The following GPATCH1 variants were observed in gnomAD, a reference collection of about 807,000 sequenced individuals.
GPATCH1 encodes the protein G patch domain-containing protein 1.
In GPATCH1, 73 loss-of-function variants were observed where a neutral mutation model predicts 114.9. That is an observed-to-expected ratio of 0.64 (90% CI 0.53 to 0.77). The LOEUF (loss-of-function observed/expected upper bound fraction) is 0.77. Among genes scored for constraint, GPATCH1 ranks in the 30% least tolerant of loss-of-function variants. GPATCH1 has a pLI of 0.00. For missense variants in GPATCH1, 1,058 were observed against 1,144.3 expected (o/e 0.92, Z 1.09); for synonymous variants, 391 against 428.4 (o/e 0.91, Z 1.08).
chr19:33,105,855 T>G (rs1245797771), intron 9 of GPATCH1, among the ~76,000 whole-genome samples: 3 of 151,686 alleles, frequency 2.0e-5, no homozygotes, highest in East Asian at 1.9e-4. Context: ...TTCTTTTTTT[T>G]TTGTTTGAGA....
chr19:33,098,077 C>G (rs1005663184), intron 8 of GPATCH1, among the ~76,000 whole-genome samples, 175 bp downstream of exon 8: 1 of 152,214 alleles, frequency 6.6e-6, no homozygotes. Flanking sequence ...GGATTCAGAC[C>G]TGGCCAAGGC....
intron 7 of GPATCH1, 101 bp downstream of exon 7, chr19:33,096,547 C>T (rs1972662467): frequency 4.2e-6 from 4 of 950,420 alleles, no homozygotes; most frequent in Non-Finnish European, 6.2e-6. Context: ...TTTTTTTTCC[C>T]CCTAATCCTC....
At chr19:33,106,603 G>C in intron 9 of GPATCH1, 92 bp from the exon 10 acceptor site, 1 of 1,050,588 alleles carries the variant, frequency 9.5e-7, no homozygotes, top group Non-Finnish European at 1.4e-6. Flanking sequence ...AAGGGGCGGG[G>C]TTAACAAGGC....
intron 8 of GPATCH1, chr19:33,100,172 G>A (rs1480262620): frequency 6.6e-6 from 1 of 151,728 alleles, no homozygotes; most frequent in Non-Finnish European, 1.5e-5. Context: ...TATTTCTTCA[G>A]AATTCTTCAG....
chr19:33,125,337 G>T, intron 18 of GPATCH1, 135 bp downstream of exon 18: 2 of 955,858 alleles, frequency 2.1e-6, no homozygotes, highest in Non-Finnish European at 3.0e-6. Context: ...TAACAGAAAT[G>T]TTGACATTCA....
intron 10 of GPATCH1, among the ~76,000 whole-genome samples, chr19:33,107,936 C>T (rs1217850056): frequency 5.9e-5 from 9 of 151,802 alleles, no homozygotes; most frequent in African/African-American, 1.5e-4. Flanking sequence ...GTGCCACGTT[C>T]GTGTGCTGCA....
intron 4 of GPATCH1, 71 bp downstream of exon 4, chr19:33,093,590 G>A: frequency 7.2e-7 from 1 of 1,393,696 alleles, no homozygotes; most frequent in East Asian, 2.3e-5. Context: ...TCTTGCTGAG[G>A]GATAGTTTGA....
intron 8 of GPATCH1, among the ~76,000 whole-genome samples, chr19:33,100,781 T>C (rs1240914664): frequency 7.4e-6 from 1 of 135,808 alleles, no homozygotes; most frequent in Admixed American, 7.3e-5. Flanking sequence ...TAGAAGGGGC[T>C]TTTTTTTTTT....
chr19:33,103,274 A>G (rs567072089), intron 9 of GPATCH1, among the ~76,000 whole-genome samples: 1 of 152,308 alleles, frequency 6.6e-6, no homozygotes, highest in South Asian at 2.1e-4. Flanking sequence ...GATTTGTTTC[A>G]TTGTGATAGT....
At chr19:33,122,217 A>T (rs927347636) in intron 17 of GPATCH1, among the ~76,000 whole-genome samples, 17 of 152,044 alleles carry the variant, frequency 1.1e-4, no homozygotes, top group Non-Finnish European at 2.5e-4. Flanking sequence ...CATGTTGGTC[A>T]GGCTGGTCTT....
chr19:33,081,879 T>C, intron 1 of GPATCH1, among the ~76,000 whole-genome samples: 1 of 118,032 alleles, frequency 8.5e-6, no homozygotes, highest in Non-Finnish European at 1.8e-5. Flanking sequence ...GAGGGATATA[T>C]ATATGATTTT....
At chr19:33,114,150 C>G in intron 14 of GPATCH1, 103 bp from the exon 15 acceptor site, 1 of 1,152,844 alleles carries the variant, frequency 8.7e-7, no homozygotes, top group South Asian at 1.3e-5. Flanking sequence ...GTGCCAGGCC[C>G]CTAGTAGGCA....
intron 9 of GPATCH1, among the ~76,000 whole-genome samples, chr19:33,106,494 C>T (rs908944809): frequency 5.3e-5 from 8 of 152,098 alleles, no homozygotes; most frequent in Non-Finnish European, 1.2e-4. Context: ...ACCACTGGAA[C>T]ACGGTGGCTC....
intron 1 of GPATCH1, among the ~76,000 whole-genome samples, chr19:33,083,083 A>C (rs1271948548): frequency 6.8e-6 from 1 of 146,430 alleles, no homozygotes; most frequent in East Asian, 2.1e-4. Flanking sequence ...CTAAAAATAC[A>C]AAAAAAAATT....
At chr19:33,094,326 T>C (rs1972631104) in intron 5 of GPATCH1, 57 bp downstream of exon 5, 1 of 960,364 alleles carries the variant, frequency 1.0e-6, no homozygotes, top group Non-Finnish European at 1.7e-6. Flanking sequence ...TTTTTTTTTT[T>C]TTGAGACAGG....
intron 15 of GPATCH1, among the ~76,000 whole-genome samples, chr19:33,117,181 G>A (rs967811212): frequency 1.3e-5 from 2 of 152,138 alleles, no homozygotes; most frequent in Admixed American, 6.6e-5. Flanking sequence ...GGGTGACAGA[G>A]TGAGACCCTG....
chr19:33,126,546 A>G (rs1445310576), intron 18 of GPATCH1, 42 bp from the exon 19 acceptor site: 4 of 1,606,684 alleles, frequency 2.5e-6, no homozygotes, highest in Non-Finnish European at 3.4e-6. Context: ...TAAGGAGGAA[A>G]AAATACATTT....
intron 17 of GPATCH1, among the ~76,000 whole-genome samples, chr19:33,124,021 T>C (rs1412738410): frequency 6.6e-6 from 1 of 151,938 alleles, no homozygotes; most frequent in Non-Finnish European, 1.5e-5. Flanking sequence ...GCCCATCTAA[T>C]TTTTGCATTT....
At chr19:33,088,883 C>G (rs1972563914) in intron 2 of GPATCH1, among the ~76,000 whole-genome samples, 1 of 151,026 alleles carries the variant, frequency 6.6e-6, no homozygotes, top group Admixed American at 6.6e-5. Flanking sequence ...TCTCTAACTC[C>G]TGGCCTCAAG....
Sources: gnomAD v4.1 joint callset for allele counts (sites outside exome capture counted in the v4.1 genomes callset) on GRCh38, gnomAD v4.1.1 for gene constraint, MANE v1.5 for transcripts, NCBI Gene and HGNC (gene_info 2026-07-23, HGNC 2026-07-21) for gene names.